RPS27L: variants seen among roughly 807,000 people sequenced by gnomAD.
RPS27L encodes the protein ribosomal protein S27 like.
Under a neutral mutation model 12.8 loss-of-function variants are expected in RPS27L, and 10 were observed. The ratio of observed to expected loss-of-function variants is 0.78; its 90% CI spans 0.48 to 1.33. The LOEUF is 1.33. Among genes scored for constraint, RPS27L ranks in the 40% most tolerant of loss-of-function variants. The pLI is 0.00. For synonymous variants in RPS27L, 26 were observed against 32.3 expected (o/e 0.81, Z 0.66); for missense variants, 81 against 97.4 (o/e 0.83, Z 0.71).
intron 3 of RPS27L, 84 bp downstream of exon 3, chr15:63,155,537 G>C: frequency 1.2e-6 from 1 of 869,410 alleles, no homozygotes. Flanking sequence ...TAATCATTAA[G>C]ATTTCTTTAA....
Position 63,151,750 on chromosome 15 carries a change from A to C in RPS27L, c.*2282T>G, listed in dbSNP as rs1036578978. ...CACTTGACACTGACGCATCTTTTGT[A>C]TAAACTACTAGTTCCAGGAAGTTCA... On this transcript the variant is annotated 3_prime_UTR_variant, in exon 4 of 4. Transcript: ENST00000330964. 9 of 152,200 alleles carry C rather than the reference A, an allele frequency of 5.9e-5. No individual in the cohort carries two copies. The highest frequency in any genetic ancestry group is 2.2e-4 in the African/African-American group (9 of 41,434). 9.4% of individuals were successfully genotyped at this position (152,200 alleles called of 1,614,324 possible). A position where few individuals can be genotyped will look rare whatever the true frequency, so the allele number is the denominator to read the frequency against.
At position 63,152,172 on chromosome 15, in the gene RPS27L, A is replaced by C. The variant is rs930880388; in HGVS notation, c.*1860T>G. ...CACGTGCCTGAAGTCTCCGCTACTC[A>C]GGAGGCAGAGGTGGGAGGCTTGCTT... On this transcript the variant is annotated 3_prime_UTR_variant, in exon 4 of 4. Coordinates refer to ENST00000330964, the MANE Select transcript of RPS27L (RefSeq NM_015920.4). 4.6e-5 allele frequency: 7 copies of C among 152,244 alleles called. No individual in the cohort carries two copies. Among genetic ancestry groups the C allele is most frequent in the African/African-American group, 7.2e-5 (3 of 41,458 alleles). 9.4% of individuals were successfully genotyped at this position (152,244 alleles called of 1,614,324 possible).
chr15:63,154,149 T>G, intron 3 of RPS27L, 89 bp from the exon 4 acceptor site: 1 of 1,072,592 alleles, frequency 9.3e-7, no homozygotes, highest in Non-Finnish European at 1.4e-6. Context: ...AGTAAAATAC[T>G]GAAGTTTTAA....
At position 63,153,902 on chromosome 15, in the gene RPS27L, TTAC is replaced by T. The variant is rs2037316027; in HGVS notation, c.*127_*129del. 1.4e-6 allele frequency: 1 copy of T among 720,314 alleles called. No individual in the cohort carries two copies. 44.6% of individuals were successfully genotyped at this position (720,314 alleles called of 1,614,324 possible). On this transcript the variant is annotated 3_prime_UTR_variant, in exon 4 of 4. Transcript: ENST00000330964. ...GAAAAACTGACACCAAAATAGGAGA[TTAC>T]TGCTGTATACCTTACAAAACCAAAT... is the stretch of plus-strand genomic sequence containing the variant.
In RPS27L at chr15:63,155,299, TAATA is replaced by T. The variant is rs548459666; in HGVS notation, c.226+318_226+321del. The T allele has an allele frequency of 2.0e-3, 458 of 226,870 alleles. 1 individual carries two copies. The highest frequency in any genetic ancestry group is 2.4e-3 in the Non-Finnish European group (286 of 119,256). 14.1% of individuals were successfully genotyped at this position (226,870 alleles called of 1,614,324 possible). ...CGAGACTCCTAATAAAAAAAAAAAA[TAATA>T]AATAAATAAATAAATAAATCTGCAT... On this transcript the variant is annotated intron_variant, in intron 3 of 3. Coordinates refer to ENST00000330964, the MANE Select transcript of RPS27L (RefSeq NM_015920.4).
At chr15:63,156,249 C>T (rs1427664720) in intron 2 of RPS27L, among the ~76,000 whole-genome samples, 164 bp downstream of exon 2, 1 of 152,210 alleles carries the variant, frequency 6.6e-6, no homozygotes, top group African/African-American at 2.4e-5. Context: ...AATGTTTCTA[C>T]AATGGTTTCA....
At position 63,151,861 on chromosome 15, in the gene RPS27L, G is replaced by A. The variant is rs2037301633; in HGVS notation, c.*2171C>T. On this transcript the variant is annotated 3_prime_UTR_variant, in exon 4 of 4. Transcript: ENST00000330964. ...TTTGGAGCCACTGCTATGACAAAAA[G>A]CACCATGCAAAAATCAATGTGGAAG... is the stretch of plus-strand genomic sequence containing the variant. 6.6e-6 allele frequency: 1 copy of A among 152,176 alleles called. No homozygotes were observed. The highest frequency in any genetic ancestry group is 1.5e-5 in the Non-Finnish European group (1 of 68,040). 9.4% of individuals were successfully genotyped at this position (152,176 alleles called of 1,614,324 possible).
In RPS27L at chr15:63,153,340, T is replaced by C. The variant is rs966920325; in HGVS notation, c.*692A>G. ...CCAAGGCATTACACTGTGATCAATA[T>C]GTATTTTTTTGAAACTATTCTTTTT... is the stretch of plus-strand genomic sequence containing the variant. On this transcript the variant is annotated 3_prime_UTR_variant, in exon 4 of 4. Transcript: ENST00000330964. The C allele has an allele frequency of 2.6e-5, 4 of 152,224 alleles. No homozygotes were observed. Among genetic ancestry groups the C allele is most frequent in the African/African-American group, 7.2e-5 (3 of 41,452 alleles). The allele number at this position is 152,224 out of a possible 1,614,324, so 9.4% of individuals were successfully genotyped here. A position where few individuals can be genotyped will look rare whatever the true frequency, so the allele number is the denominator to read the frequency against.
chr15:63,155,145 A>G (rs2037323692), intron 3 of RPS27L: 1 of 152,072 alleles, frequency 6.6e-6, no homozygotes, highest in African/African-American at 2.4e-5. Flanking sequence ...AAAATTAGCC[A>G]GGCATGGTGG....
At chr15:63,156,828 G>A (rs775444230) in intron 1 of RPS27L, 1 of 532,420 alleles carries the variant, frequency 1.9e-6, no homozygotes, top group Non-Finnish European at 3.2e-6. Flanking sequence ...GCGAAGTCGA[G>A]GTGCTAAGCA....
intron 1 of RPS27L, chr15:63,157,075 C>T: frequency 2.3e-6 from 1 of 431,152 alleles, no homozygotes; most frequent in Non-Finnish European, 4.1e-6. Context: ...GCGAGAAACA[C>T]CAATCACTGG....
chr15:63,148,852 CTTTTTTTTTTTT>C lies in RPS27L; in HGVS notation c.*5168_*5179del, dbSNP rs138519912. 1 of 119,446 alleles carries C rather than the reference CTTTTTTTTTTTT, an allele frequency of 8.4e-6. No individual in the cohort carries two copies. Among genetic ancestry groups the C allele is most frequent in the Non-Finnish European group, 1.7e-5 (1 of 58,026 alleles). The allele number at this position is 119,446 out of a possible 1,614,324, so 7.4% of individuals were successfully genotyped here. A position where few individuals can be genotyped will look rare whatever the true frequency, so the allele number is the denominator to read the frequency against. On this transcript the variant is annotated 3_prime_UTR_variant, in exon 4 of 4. Transcript: ENST00000330964. Reference sequence around the variant, plus strand: ...CAAACACCATGACCTGATGTCATTTCTTTTTTTTTTTTTTTTTTTTTTTTCTGAGACAGTCTT... The same window carrying C: ...CAAACACCATGACCTGATGTCATTTCTTTTTTTTTTTTCTGAGACAGTCTT...
chr15:63,156,648 G>T (rs1057005187), intron 1 of RPS27L, 127 bp from the exon 2 acceptor site: 1 of 687,650 alleles, frequency 1.5e-6, no homozygotes, highest in Non-Finnish European at 2.6e-6. Flanking sequence ...ACGTCAGATA[G>T]TAAAGTTATT....
Position 63,157,388 on chromosome 15 carries a change from T to C in RPS27L, c.6+12A>G. ...CCCAAAACAAACCCGGAGCCCGATG[T>C]AAACAACTCACAGGCATGTTGATCC... is the stretch of plus-strand genomic sequence containing the variant. On this transcript the variant is annotated intron_variant, in intron 1 of 3. Transcript: ENST00000330964. The C allele has an allele frequency of 1.9e-6, 3 of 1,613,964 alleles. No individual in the cohort carries two copies. The highest frequency in any genetic ancestry group is 2.5e-6 in the Non-Finnish European group (3 of 1,179,932).
At chr15:63,154,095 G>A (rs1257754619) in intron 3 of RPS27L, 35 bp from the exon 4 acceptor site, 3 of 1,551,876 alleles carry the variant, frequency 1.9e-6, no homozygotes, top group Non-Finnish European at 2.7e-6. Context: ...TTAAACAAGT[G>A]CATTCTACCT....
Position 63,153,980 on chromosome 15 carries a change from A to T in RPS27L, c.*52T>A. The T allele has an allele frequency of 7.0e-7, 1 of 1,423,652 alleles. No individual in the cohort carries two copies. Among genetic ancestry groups the T allele is most frequent in the Non-Finnish European group, 9.9e-7 (1 of 1,014,808 alleles). The allele number at this position is 1,423,652 out of a possible 1,614,324, so 88.2% of individuals were successfully genotyped here. A position where few individuals can be genotyped will look rare whatever the true frequency, so the allele number is the denominator to read the frequency against. On this transcript the variant is annotated 3_prime_UTR_variant, in exon 4 of 4. Transcript: ENST00000330964. ...AATTAGAATTATGGAATTTATGATAAGGCTTTCTGTGAGACAACACAAAAT... is the reference window on the plus strand; with the variant it reads ...AATTAGAATTATGGAATTTATGATATGGCTTTCTGTGAGACAACACAAAAT...
rs2037305538 is a variant in RPS27L, at chr15:63,152,380, T to A, written c.*1652A>T. 6.6e-6 allele frequency: 1 copy of A among 152,120 alleles called. No homozygotes were observed. The highest frequency in any genetic ancestry group is 1.5e-5 in the Non-Finnish European group (1 of 68,024). The allele number at this position is 152,120 out of a possible 1,614,324, so 9.4% of individuals were successfully genotyped here. A position where few individuals can be genotyped will look rare whatever the true frequency, so the allele number is the denominator to read the frequency against. Reference sequence around the variant, plus strand: ...TTAATAAATGTAACTGTTAGGTATTTCTTTTGGCCAAGGAATGGCCTGAAA... The same window carrying A: ...TTAATAAATGTAACTGTTAGGTATTACTTTTGGCCAAGGAATGGCCTGAAA... On this transcript the variant is annotated 3_prime_UTR_variant, in exon 4 of 4. Transcript: ENST00000330964.
Position 63,150,406 on chromosome 15 carries a change from A to C in RPS27L, c.*3626T>G, listed in dbSNP as rs78008694. 6.6e-6 allele frequency: 1 copy of C among 152,216 alleles called. No individual in the cohort carries two copies. Among genetic ancestry groups the C allele is most frequent in the East Asian group, 1.9e-4 (1 of 5,200 alleles). The allele number at this position is 152,216 out of a possible 1,614,324, so 9.4% of individuals were successfully genotyped here. On this transcript the variant is annotated 3_prime_UTR_variant, in exon 4 of 4. Coordinates refer to ENST00000330964, the MANE Select transcript of RPS27L (RefSeq NM_015920.4). ...AGGTATGAAGTTTCTTTCTAAGGTG[A>C]TGAAAATGGTCTGGGATTAGACAGT...
intron 3 of RPS27L, chr15:63,154,311 G>A (rs998269075): frequency 4.7e-6 from 2 of 422,858 alleles, no homozygotes; most frequent in Admixed American, 4.0e-5. Context: ...TTAAGACCAT[G>A]AGCCTGAATT....
Sources: gnomAD v4.1 joint callset for allele counts (sites outside exome capture counted in the v4.1 genomes callset) on GRCh38, gnomAD v4.1.1 for gene constraint, MANE v1.5 for transcripts, NCBI Gene and HGNC (gene_info 2026-07-23, HGNC 2026-07-21) for gene names.